COL5A1: variants seen among roughly 807,000 people sequenced by gnomAD.
COL5A1 encodes the protein collagen alpha-1(V) chain.
In COL5A1, 16 loss-of-function variants were observed where a neutral mutation model predicts 263.7. The observed-to-expected ratio is 0.06, with a 90% CI of 0.04 to 0.09. The LOEUF (loss-of-function observed/expected upper bound fraction) is 0.09, where lower values mean the gene tolerates loss of function less well. COL5A1 is among the 10% of genes least tolerant of loss of function. The pLI, the probability that COL5A1 is intolerant of heterozygous loss-of-function variation, is 1.00. For missense variants in COL5A1, 2,036 were observed against 2,540.5 expected (o/e 0.80, Z 4.27); for synonymous variants, 1,012 against 1,004.5 (o/e 1.01, Z -0.14).
At chr9:134,665,517 G>A (rs1832330605) in intron 1 of COL5A1, among the ~76,000 whole-genome samples, 1 of 152,192 alleles carries the variant, frequency 6.6e-6, no homozygotes, top group African/African-American at 2.4e-5. Flanking sequence ...TATGATTATT[G>A]AAAAGGGATG....
At chr9:134,756,906 G>C in intron 17 of COL5A1, 88 bp downstream of exon 17, 1 of 1,266,252 alleles carries the variant, frequency 7.9e-7, no homozygotes, top group Non-Finnish European at 1.2e-6. Flanking sequence ...CTGGTTATGT[G>C]ATGACTACGA....
At chr9:134,654,648 T>G (rs1588406817) in intron 1 of COL5A1, among the ~76,000 whole-genome samples, 2 of 104,342 alleles carry the variant, frequency 1.9e-5, no homozygotes, top group Non-Finnish European at 3.9e-5. Flanking sequence ...GCTGGAGGTG[T>G]GTAGGGCTGG....
At chr9:134,835,282 T>C in intron 65 of COL5A1, 78 bp downstream of exon 65, 3 of 1,326,064 alleles carry the variant, frequency 2.3e-6, no homozygotes, top group South Asian at 2.5e-5. Flanking sequence ...CGGGTTTACC[T>C]GTCCCCAAGA....
chr9:134,772,910 C>T, intron 26 of COL5A1, 76 bp downstream of exon 26: 2 of 1,431,478 alleles, frequency 1.4e-6, no homozygotes, highest in East Asian at 4.5e-5. Flanking sequence ...TCAGCCTCTG[C>T]TCAGGGACAT....
Position 134,664,326 on chromosome 9 carries a change from C to T in COL5A1, c.109+22030C>T, listed in dbSNP as rs142534720. 2.6e-5 allele frequency among the ~76,000 whole-genome samples: 4 copies of T among 152,232 alleles called. No individual in the cohort carries two copies. In the East Asian group the frequency reaches 5.8e-4, roughly 22 times the overall value. ...GGATGGGAAGCTTTTCCGAGTATGA[C>T]GTAAGCCCCTGCAGTTATAAAAGAA... On this transcript the variant is annotated intron_variant, in intron 1 of 65. Coordinates refer to ENST00000371817, the MANE Select transcript of COL5A1 (RefSeq NM_000093.5).
At chr9:134,685,241 A>C (rs111207684) in intron 1 of COL5A1, among the ~76,000 whole-genome samples, 1 of 98,036 alleles carries the variant, frequency 1.0e-5, no homozygotes, top group East Asian at 3.6e-4. Flanking sequence ...CCATCCATTC[A>C]TCCATCCATC....
intron 1 of COL5A1, among the ~76,000 whole-genome samples, chr9:134,684,967 CCATCCATTAATT>C (rs1184922346): frequency 5.7e-5 from 8 of 139,758 alleles, no homozygotes; most frequent in Admixed American, 1.4e-4. Flanking sequence ...CATCCACCAT[CCATCCATTAATT>C]CATCCATCCA....
intron 7 of COL5A1, among the ~76,000 whole-genome samples, chr9:134,730,884 C>T (rs1160653829): frequency 2.0e-5 from 3 of 152,054 alleles, no homozygotes; most frequent in Admixed American, 6.5e-5. Flanking sequence ...ACAAATACAG[C>T]GAAGCAGGAG....
At chr9:134,827,094 C>T (rs1261460069) in intron 63 of COL5A1, among the ~76,000 whole-genome samples, 3 of 152,324 alleles carry the variant, frequency 2.0e-5, no homozygotes, top group African/African-American at 7.2e-5. Flanking sequence ...GCAAAGGCCG[C>T]CCATTTCTGG....
At chr9:134,785,907 GC>G in intron 30 of COL5A1, 87 bp from the exon 31 acceptor site, 2 of 1,269,024 alleles carry the variant, frequency 1.6e-6, no homozygotes, top group Admixed American at 3.8e-5. Context: ...CCAGGCCCCT[GC>G]CAGAACGCAT....
Position 134,756,796 on chromosome 9 carries a change from T to A in COL5A1, c.1859T>A (p.Met620Lys). Residue 620 changes from methionine to lysine, a missense_variant, in exon 17 of 66, where the codon ATG (methionine) becomes AAG (lysine). Transcript: ENST00000371817. ...GRAGSDGARG[M>K]PGQTGPKGDR... The stretch of plus-strand genomic sequence containing the variant: ...GCTGGGAGTGATGGAGCCAGAGGAA[T>A]GCCTGGACAAACTGGCCCCAAGGTA... The A allele has an allele frequency of 6.2e-7, 1 of 1,614,060 alleles. No homozygotes were observed. The highest frequency in any genetic ancestry group is 8.5e-7 in the Non-Finnish European group (1 of 1,180,020).
In COL5A1 at chr9:134,742,382, C is replaced by G. The variant is rs1835336049; in HGVS notation, c.1494+3574C>G. ...ATTAGTAAAGGCATTGGAGGAAGAG[C>G]TGGGAATCCCGAGATGGGAGGTCTG... is the stretch of plus-strand genomic sequence containing the variant. On this transcript the variant is annotated intron_variant, in intron 11 of 65. Transcript: ENST00000371817. This position sits in a 1 kb window ranked among gnomAD's most constrained non-coding sequence, Gnocchi z 4.6. Among the ~76,000 whole-genome samples the G allele has an allele frequency of 1.3e-5, 2 of 152,172 alleles. No individual in the cohort carries two copies. The highest frequency in any genetic ancestry group is 4.8e-5 in the African/African-American group (2 of 41,456).
chr9:134,668,581 TCTAC>T (rs1300404127), intron 1 of COL5A1, among the ~76,000 whole-genome samples: 1 of 146,908 alleles, frequency 6.8e-6, no homozygotes. Flanking sequence ...CATCCATCTA[TCTAC>T]TTGTCCATCC....
At chr9:134,649,883 G>A (rs1278130374) in intron 1 of COL5A1, among the ~76,000 whole-genome samples, 1 of 152,166 alleles carries the variant, frequency 6.6e-6, no homozygotes, top group Non-Finnish European at 1.5e-5. Context: ...GTCCTTTGCA[G>A]GGACATGGAT....
chr9:134,668,792 C>A (rs937328777), intron 1 of COL5A1, among the ~76,000 whole-genome samples: 1 of 151,972 alleles, frequency 6.6e-6, no homozygotes, highest in African/African-American at 2.4e-5. Flanking sequence ...ACTCATGTAC[C>A]CATTCACTGT....
chr9:134,708,658 G>T (rs751224662), intron 4 of COL5A1: 1 of 518,682 alleles, frequency 1.9e-6, no homozygotes, highest in Non-Finnish European at 3.9e-6. Context: ...GCCCCTTGTC[G>T]TGTCTTCAGC....
intron 9 of COL5A1, among the ~76,000 whole-genome samples, chr9:134,735,284 CA>C (rs1438763182): frequency 2.0e-5 from 3 of 152,024 alleles, no homozygotes; most frequent in African/African-American, 7.3e-5. Flanking sequence ...CAGACAGACA[CA>C]GTGAAGTGAT....
intron 64 of COL5A1, among the ~76,000 whole-genome samples, chr9:134,832,515 AG>A (rs1449562999): frequency 6.6e-6 from 1 of 152,200 alleles, no homozygotes; most frequent in African/African-American, 2.4e-5. Flanking sequence ...CCAGGAGAGC[AG>A]GGCCTCACTG....
At chr9:134,674,397 G>A (rs1016823269) in intron 1 of COL5A1, among the ~76,000 whole-genome samples, 4 of 152,138 alleles carry the variant, frequency 2.6e-5, no homozygotes, top group Admixed American at 6.5e-5. Flanking sequence ...CAGGGGACAC[G>A]GTTCCATTTA....
Sources: allele counts gnomAD v4.1 joint callset (sites outside exome capture counted in the v4.1 genomes callset), GRCh38; gene constraint gnomAD v4.1.1; non-coding constraint Gnocchi (gnomAD v3.1); transcripts MANE v1.5; gene names NCBI Gene and HGNC (gene_info 2026-07-23, HGNC 2026-07-21).